The following SUPT3H variants were observed in gnomAD, a reference collection of about 807,000 sequenced individuals.
SUPT3H encodes the protein SPT3 homolog, SAGA and STAGA complex component.
In SUPT3H, 44 loss-of-function variants were observed where a neutral mutation model predicts 44.3. The observed-to-expected ratio is 0.99, with a 90% CI of 0.78 to 1.28. SUPT3H has a LOEUF of 1.28. Among genes scored for constraint, SUPT3H ranks in the 50% most tolerant of loss-of-function variants. The pLI is 0.00. For missense variants in SUPT3H, 380 were observed against 387.1 expected, an observed-to-expected ratio of 0.98 and a Z score of 0.15; for synonymous variants, 124 against 125.6, an observed-to-expected ratio of 0.99 and a Z score of 0.09.
intron 10 of SUPT3H, among the ~76,000 whole-genome samples, chr6:44,906,180 A>T (rs533222012): frequency 6.6e-6 from 1 of 152,318 alleles, no homozygotes; most frequent in South Asian, 2.1e-4. Flanking sequence ...TAATAAAACT[A>T]TTTTAGTTAT....
chr6:45,280,465 C>G (rs1295922083), intron 2 of SUPT3H, among the ~76,000 whole-genome samples: 1 of 151,926 alleles, frequency 6.6e-6, no homozygotes, highest in Non-Finnish European at 1.5e-5. Context: ...AAGATCATGC[C>G]ACTGCAAAAT....
chr6:45,006,478 C>T (rs1782731903), intron 5 of SUPT3H, among the ~76,000 whole-genome samples: 1 of 151,778 alleles, frequency 6.6e-6, no homozygotes, highest in African/African-American at 2.4e-5. Context: ...CGTTTACCAC[C>T]CCTTTTTCCA....
intron 10 of SUPT3H, among the ~76,000 whole-genome samples, chr6:44,854,929 C>G (rs1238000607): frequency 6.6e-6 from 1 of 152,086 alleles, no homozygotes; most frequent in East Asian, 1.9e-4. Flanking sequence ...AGAGATAAAA[C>G]ATAGAATTTC....
At chr6:44,993,089 G>T (rs961684683) in intron 6 of SUPT3H, among the ~76,000 whole-genome samples, 1 of 152,082 alleles carries the variant, frequency 6.6e-6, no homozygotes, top group Non-Finnish European at 1.5e-5. Flanking sequence ...ATCAAGCCTG[G>T]GAGGTTGAGG....
intron 2 of SUPT3H, among the ~76,000 whole-genome samples, chr6:45,202,159 G>C (rs1762538028): frequency 6.6e-6 from 1 of 151,514 alleles, no homozygotes; most frequent in Admixed American, 6.6e-5. Context: ...CTCAAAATCA[G>C]GCATCAAAAG....
At chr6:45,244,183 C>G (rs1201760842) in intron 2 of SUPT3H, among the ~76,000 whole-genome samples, 1 of 152,088 alleles carries the variant, frequency 6.6e-6, no homozygotes, top group Non-Finnish European at 1.5e-5. Context: ...GGCTGTTTTG[C>G]TTTTGGCTGA....
At chr6:44,892,878 C>G (rs975913368) in intron 10 of SUPT3H, among the ~76,000 whole-genome samples, 1 of 152,156 alleles carries the variant, frequency 6.6e-6, no homozygotes, top group Non-Finnish European at 1.5e-5. Flanking sequence ...ATTATAATTA[C>G]TTTCCTTCCA....
rs1445473020 is a variant in SUPT3H, at chr6:45,238,147, G to T, written c.101+127054C>A. Among the ~76,000 whole-genome samples, 7 of 152,102 alleles carry T rather than the reference G, an allele frequency of 4.6e-5. 1 individual carries two copies. Among genetic ancestry groups the T allele is most frequent in the African/African-American group, 1.7e-4 (7 of 41,414 alleles). On this transcript the variant is annotated intron_variant, in intron 2 of 10. Transcript: ENST00000371459. ...GAACCTACTCGTAAAAAAATTTTTA[G>T]TGTTACATTATTCAGTATATGGATG...
chr6:44,860,013 A>G (rs552901156), intron 10 of SUPT3H, among the ~76,000 whole-genome samples: 1 of 152,208 alleles, frequency 6.6e-6, no homozygotes, highest in African/African-American at 2.4e-5. Context: ...AAGGACTTCT[A>G]TTATTCTGAG....
chr6:45,337,897 A>C (rs1237579782), intron 2 of SUPT3H, among the ~76,000 whole-genome samples: 1 of 152,032 alleles, frequency 6.6e-6, no homozygotes, highest in East Asian at 1.9e-4. Context: ...AAGTATATTT[A>C]AGTAAATTCT....
At chr6:44,993,775 T>C (rs1304083711) in intron 6 of SUPT3H, among the ~76,000 whole-genome samples, 1 of 152,156 alleles carries the variant, frequency 6.6e-6, no homozygotes, top group Non-Finnish European at 1.5e-5. Flanking sequence ...CATAAGTATT[T>C]TGAAATTGTT....
intron 2 of SUPT3H, among the ~76,000 whole-genome samples, chr6:45,203,026 T>C (rs1762672945): frequency 6.6e-6 from 1 of 152,052 alleles, no homozygotes; most frequent in East Asian, 1.9e-4. Context: ...AAAGATAACA[T>C]AATCAAGGAT....
intron 2 of SUPT3H, among the ~76,000 whole-genome samples, chr6:45,108,119 C>T (rs1799527318): frequency 6.6e-6 from 1 of 152,162 alleles, no homozygotes; most frequent in Non-Finnish European, 1.5e-5. Context: ...AACACAATGT[C>T]CAATTTTGTC....
intron 2 of SUPT3H, among the ~76,000 whole-genome samples, chr6:45,169,245 T>C (rs1458663673): frequency 6.6e-6 from 1 of 152,218 alleles, no homozygotes; most frequent in Non-Finnish European, 1.5e-5. Context: ...GCTGATTTTT[T>C]ACTACTCAAA....
intron 2 of SUPT3H, among the ~76,000 whole-genome samples, chr6:45,198,481 T>G (rs1471345541): frequency 6.6e-6 from 1 of 151,268 alleles, no homozygotes; most frequent in Non-Finnish European, 1.5e-5. Context: ...GTTTTCTTAA[T>G]TAACCATAAG....
At chr6:45,287,493 C>T (rs12529907) in intron 2 of SUPT3H, among the ~76,000 whole-genome samples, 20,161 of 152,054 alleles carry the variant, frequency 0.13, 1,555 homozygotes, top group East Asian at 0.26. Flanking sequence ...GTGAAATAAA[C>T]CAGTCACCAA....
chr6:45,083,713 A>C (rs1338015006), intron 3 of SUPT3H, among the ~76,000 whole-genome samples: 1 of 152,078 alleles, frequency 6.6e-6, no homozygotes, highest in African/African-American at 2.4e-5. Context: ...AAAAAAAAAA[A>C]ACCAAACACC....
chr6:45,061,519 T>A (rs769116889), intron 3 of SUPT3H, among the ~76,000 whole-genome samples: 1 of 152,118 alleles, frequency 6.6e-6, no homozygotes, highest in South Asian at 2.1e-4. Flanking sequence ...GATGGGTTGA[T>A]CTGTGCAGCA....
chr6:45,213,213 G>A (rs997605546), intron 2 of SUPT3H, among the ~76,000 whole-genome samples: 1 of 152,156 alleles, frequency 6.6e-6, no homozygotes, highest in Non-Finnish European at 1.5e-5. Flanking sequence ...AAGAGTTTGA[G>A]TATGCATTGT....
Sources: gnomAD v4.1 joint callset for allele counts (sites outside exome capture counted in the v4.1 genomes callset) on GRCh38, gnomAD v4.1.1 for gene constraint, MANE v1.5 for transcripts, NCBI Gene and HGNC (gene_info 2026-07-23, HGNC 2026-07-21) for gene names.